Variants in ABHD17B observed in about 807,000 individuals in gnomAD.
ABHD17B encodes the protein abhydrolase domain containing 17B, depalmitoylase, also known as alpha/beta hydrolase domain-containing protein 17B.
A neutral mutation model predicts 26.2 loss-of-function variants in ABHD17B; 9 were observed. That is an observed-to-expected ratio of 0.34 (90% CI 0.21 to 0.60). The LOEUF (loss-of-function observed/expected upper bound fraction) is 0.60. ABHD17B is among the 20% of genes least tolerant of loss of function. The pLI is 0.80. For missense variants in ABHD17B, 224 were observed against 352.1 expected (o/e 0.64, Z 2.91); for synonymous variants, 127 against 122.3 (o/e 1.04, Z -0.25).
intron 1 of ABHD17B, among the ~76,000 whole-genome samples, chr9:71,885,782 A>G (rs1164034563): frequency 1.3e-5 from 2 of 152,098 alleles, no homozygotes; most frequent in East Asian, 3.9e-4. Context: ...ACTCCTGTCA[A>G]TTTTTGACAT....
chr9:71,868,327 A>G (rs1826016463), intron 3 of ABHD17B, among the ~76,000 whole-genome samples: 1 of 152,216 alleles, frequency 6.6e-6, no homozygotes, highest in Non-Finnish European at 1.5e-5. Context: ...TATATGTAAG[A>G]GTAAAGAGTT....
At chr9:71,907,289 G>C (rs1827313873) in intron 1 of ABHD17B, among the ~76,000 whole-genome samples, 2 of 152,138 alleles carry the variant, frequency 1.3e-5, no homozygotes, top group African/African-American at 4.8e-5. Context: ...GCCAAGTTGT[G>C]TGAAGAAAGC....
intron 1 of ABHD17B, among the ~76,000 whole-genome samples, chr9:71,907,365 A>C (rs1827315469): frequency 6.6e-6 from 1 of 152,170 alleles, no homozygotes; most frequent in Non-Finnish European, 1.5e-5. Context: ...ATATATATAT[A>C]ATGTTCATAG....
chr9:71,872,184 G>A (rs1468791858), intron 2 of ABHD17B, among the ~76,000 whole-genome samples: 1 of 152,104 alleles, frequency 6.6e-6, no homozygotes, highest in Non-Finnish European at 1.5e-5. Context: ...CAGGCTCAGA[G>A]AAGTAATATT....
intron 1 of ABHD17B, among the ~76,000 whole-genome samples, chr9:71,879,058 G>A (rs1826363670): frequency 6.6e-6 from 1 of 152,146 alleles, no homozygotes; most frequent in South Asian, 2.1e-4. Flanking sequence ...GGCGTGGCTG[G>A]AGTGGGAGGA....
At chr9:71,870,310 T>C (rs772445946) in intron 2 of ABHD17B, 48 bp from the exon 3 acceptor site, 35 of 1,481,352 alleles carry the variant, frequency 2.4e-5, no homozygotes, top group Non-Finnish European at 3.1e-5. Flanking sequence ...GTTGGAGTGA[T>C]ATGAAATGTT....
chr9:71,895,906 A>C (rs1283583454), intron 1 of ABHD17B, among the ~76,000 whole-genome samples: 1 of 152,188 alleles, frequency 6.6e-6, no homozygotes, highest in Non-Finnish European at 1.5e-5. Flanking sequence ...CTGAAACTAC[A>C]TGCAAAATTT....
rs1825953999 is a variant in ABHD17B at position 71,866,347 on chromosome 9, C to T, written c.*440G>A. On this transcript the variant is annotated 3_prime_UTR_variant, in exon 4 of 4. Transcript: ENST00000333421. Reference sequence around the variant, plus strand: ...ATGGTTTTAAATCTCTTTTACAGTTCATTCCATTATGAGTACTTAAATTGC... The same window carrying T: ...ATGGTTTTAAATCTCTTTTACAGTTTATTCCATTATGAGTACTTAAATTGC... The T allele has an allele frequency of 1.0e-6, 1 of 989,138 alleles. No homozygotes were observed. The highest frequency in any genetic ancestry group is 1.2e-6 in the Non-Finnish European group (1 of 829,286). The allele number at this position is 989,138 out of a possible 1,614,324, so 61.3% of individuals were successfully genotyped here.
chr9:71,874,860 C>T lies in ABHD17B; in HGVS notation c.221G>A (p.Ser74Asn), dbSNP rs770755868. Residue 74 changes from serine (S) to asparagine (N), a missense_variant, in exon 2 of 4, where the codon AGT (serine) becomes AAT (asparagine). Physicochemically the swap from Ser to Asn is conservative, Grantham distance 46. Transcript: ENST00000333421. Reference protein sequence around the residue: ...DAIECFMTRTSKGNRIACMFV... With the variant: ...DAIECFMTRTNKGNRIACMFV... ...CATACAAGCAATTCTGTTGCCTTTA[C>T]TGGTTCTAGTCATGAAACACTCAAT... 9.9e-6 allele frequency: 16 copies of T among 1,614,154 alleles called. No individual in the cohort carries two copies. Among genetic ancestry groups the T allele is most frequent in the Non-Finnish European group, 1.4e-5 (16 of 1,180,016 alleles).
At chr9:71,874,173 TTTAA>T (rs1224018649) in intron 2 of ABHD17B, among the ~76,000 whole-genome samples, 3 of 134,572 alleles carry the variant, frequency 2.2e-5, no homozygotes, top group Non-Finnish European at 3.4e-5. Flanking sequence ...TGTCACTGGA[TTTAA>T]TTTTTTTTTT....
At chr9:71,897,649 G>A (rs1489727906) in intron 1 of ABHD17B, among the ~76,000 whole-genome samples, 1 of 152,156 alleles carries the variant, frequency 6.6e-6, no homozygotes, top group African/African-American at 2.4e-5. Flanking sequence ...GTAGAGATAT[G>A]GGGGAATTAT....
At chr9:71,870,619 G>C (rs74586159) in intron 2 of ABHD17B, among the ~76,000 whole-genome samples, 3 of 152,256 alleles carry the variant, frequency 2.0e-5, no homozygotes, top group Non-Finnish European at 4.4e-5. Flanking sequence ...GATGTTGAAT[G>C]AATAGGTCAT....
chr9:71,901,819 C>T (rs1216357429), intron 1 of ABHD17B, among the ~76,000 whole-genome samples: 1 of 152,168 alleles, frequency 6.6e-6, no homozygotes, highest in Non-Finnish European at 1.5e-5. Flanking sequence ...AAATCACTCA[C>T]TAATATCTAT....
At chr9:71,863,671 T>A (rs1335345454), downstream of ABHD17B, among the ~76,000 whole-genome samples, 1 of 152,210 alleles carries the variant, frequency 6.6e-6, no homozygotes, top group Non-Finnish European at 1.5e-5. Flanking sequence ...TAGGAAGCAA[T>A]CCCTTTCCTT....
At chr9:71,893,078 T>C (rs1361557964) in intron 1 of ABHD17B, among the ~76,000 whole-genome samples, 1 of 152,202 alleles carries the variant, frequency 6.6e-6, no homozygotes, top group Admixed American at 6.5e-5. Context: ...GTCTTAGAAT[T>C]TCCCTTCCTT....
chr9:71,866,039 T>C lies in ABHD17B; in HGVS notation c.*748A>G. On this transcript the variant is annotated 3_prime_UTR_variant, in exon 4 of 4. Transcript: ENST00000333421. ...TATACAAAATCATTCTTGAAATCTC[T>C]AAATGCCTTTTAAGTAACCAGCATG... 1 of 985,450 alleles carries C rather than the reference T, an allele frequency of 1.0e-6. No individual in the cohort carries two copies. Among genetic ancestry groups the C allele is most frequent in the Non-Finnish European group, 1.2e-6 (1 of 829,914 alleles). 61.0% of individuals were successfully genotyped at this position (985,450 alleles called of 1,614,324 possible).
chr9:71,869,947 AATTT>A (rs1826063050), intron 3 of ABHD17B, 132 bp downstream of exon 3: 1 of 807,046 alleles, frequency 1.2e-6, no homozygotes. Flanking sequence ...TTTACAAATT[AATTT>A]TTCATAATTT....
chr9:71,905,533 C>G (rs557020509), intron 1 of ABHD17B, among the ~76,000 whole-genome samples: 34 of 152,258 alleles, frequency 2.2e-4, no homozygotes, highest in African/African-American at 8.2e-4. Flanking sequence ...GCATTATGGA[C>G]TGGAAGTTGT....
At chr9:71,872,790 T>C (rs542739226) in intron 2 of ABHD17B, among the ~76,000 whole-genome samples, 1 of 152,262 alleles carries the variant, frequency 6.6e-6, no homozygotes, top group Non-Finnish European at 1.5e-5. Flanking sequence ...AAGATTTTTA[T>C]TTAAAGCAGT....
Sources: allele counts gnomAD v4.1 joint callset (sites outside exome capture counted in the v4.1 genomes callset), GRCh38; gene constraint gnomAD v4.1.1; transcripts MANE v1.5; gene names NCBI Gene and HGNC (gene_info 2026-07-23, HGNC 2026-07-21).